The following GCSAM variants were observed in gnomAD, a reference collection of about 807,000 sequenced individuals.
GCSAM encodes the protein germinal center-associated signaling and motility protein.
A neutral mutation model predicts 17.6 loss-of-function variants in GCSAM; 8 were observed. The ratio of observed to expected loss-of-function variants is 0.46; its 90% CI spans 0.27 to 0.82. The LOEUF (loss-of-function observed/expected upper bound fraction) is 0.82, where lower values mean the gene tolerates loss of function less well. Among genes scored for constraint, GCSAM ranks in the 40% least tolerant of loss-of-function variants. The pLI is 0.15. For missense variants in GCSAM, 192 were observed against 213.5 expected, an observed-to-expected ratio of 0.90 and a Z score of 0.63; for synonymous variants, 68 against 69.0, an observed-to-expected ratio of 0.98 and a Z score of 0.07.
intron 4 of GCSAM, 126 bp downstream of exon 4, chr3:112,126,861 A>G (rs968386528): frequency 8.2e-6 from 6 of 735,876 alleles, no homozygotes; most frequent in Non-Finnish European, 1.4e-5. Flanking sequence ...AATTGGATAC[A>G]GTAAAGCAAA....
At chr3:112,130,414 C>T in intron 2 of GCSAM, 31 bp downstream of exon 2, 2 of 1,590,014 alleles carry the variant, frequency 1.3e-6, no homozygotes, top group African/African-American at 1.3e-5. Flanking sequence ...TGGGCAAGGT[C>T]TGGGGGGTGT....
intron 1 of GCSAM, 25 bp downstream of exon 1, chr3:112,133,067 T>C: frequency 6.2e-7 from 1 of 1,611,130 alleles, no homozygotes; most frequent in Middle Eastern, 1.7e-4. Context: ...TCTCCTCTGC[T>C]CTCCCACAGG....
intron 4 of GCSAM, among the ~76,000 whole-genome samples, chr3:112,126,261 G>T (rs1043511746): frequency 2.0e-5 from 3 of 152,198 alleles, no homozygotes; most frequent in Non-Finnish European, 4.4e-5. Flanking sequence ...TAGATTTTAA[G>T]ATTCTATGTA....
chr3:112,123,887 C>T (rs1280668099), intron 5 of GCSAM, 115 bp from the exon 6 acceptor site: 2 of 1,113,746 alleles, frequency 1.8e-6, no homozygotes, highest in African/African-American at 1.6e-5. Flanking sequence ...ACCACCTCCT[C>T]CCCATCTCTT....
At chr3:112,128,436 C>G (rs1395448022) in intron 2 of GCSAM, 1 of 371,060 alleles carries the variant, frequency 2.7e-6, no homozygotes, top group Non-Finnish European at 5.2e-6. Context: ...ATGGGTTAGG[C>G]AATATCAGTA....
rs1019587834 is a variant in GCSAM, at chr3:112,122,746, G to C, written c.*709C>G. On this transcript the variant is annotated 3_prime_UTR_variant, in exon 6 of 6. Transcript: ENST00000308910. ...AAATTATCCTCTCTGAGCCAAAGAA[G>C]GGTAGTGGGATTACGGGATCTCCAA... 7.2e-5 allele frequency: 11 copies of C among 152,282 alleles called. No homozygotes were observed. Among genetic ancestry groups the C allele is most frequent in the Admixed American group, 5.9e-4 (9 of 15,292 alleles). The allele number at this position is 152,282 out of a possible 1,614,324, so 9.4% of individuals were successfully genotyped here.
intron 2 of GCSAM, chr3:112,129,094 CT>C (rs2107810542): frequency 6.6e-6 from 1 of 152,326 alleles, no homozygotes; most frequent in East Asian, 1.9e-4. Flanking sequence ...AGAGGCACAG[CT>C]GCAGCTCTTC....
intron 3 of GCSAM, among the ~76,000 whole-genome samples, chr3:112,127,362 T>C (rs2074350873): frequency 6.6e-6 from 1 of 152,210 alleles, no homozygotes; most frequent in African/African-American, 2.4e-5. Context: ...TTTTCTATCA[T>C]GTGAGTGAAG....
At chr3:112,123,854 C>A (rs978048173) in intron 5 of GCSAM, 82 bp from the exon 6 acceptor site, 53 of 1,433,018 alleles carry the variant, frequency 3.7e-5, no homozygotes, top group African/African-American at 5.7e-5. Flanking sequence ...AGGCTTGACC[C>A]TTGGTCAAGT....
chr3:112,125,392 G>A (rs1576162549), intron 4 of GCSAM, 138 bp from the exon 5 acceptor site: 1 of 661,836 alleles, frequency 1.5e-6, no homozygotes, highest in East Asian at 2.7e-5. Context: ...CTGATCTACA[G>A]CACATCCCTG....
At chr3:112,130,606 A>G (rs2074430341) in intron 1 of GCSAM, 93 bp from the exon 2 acceptor site, 2 of 1,100,610 alleles carry the variant, frequency 1.8e-6, no homozygotes, top group Non-Finnish European at 1.4e-6. Context: ...CATTTCTGCT[A>G]TTTGTGTGTA....
rs1244757949 is a variant in GCSAM at position 112,122,923 on chromosome 3, C to T, written c.*532G>A. ...ATTCAACTCACATAACTAACCAGAC[C>T]ATGGGGGCCAACAGGTCAAAGGACA... is the stretch of plus-strand genomic sequence containing the variant. On this transcript the variant is annotated 3_prime_UTR_variant, in exon 6 of 6. Transcript: ENST00000308910. The T allele has an allele frequency of 6.4e-6, 1 of 155,192 alleles. No individual in the cohort carries two copies. The highest frequency in any genetic ancestry group is 1.4e-5 in the Non-Finnish European group (1 of 70,018). The allele number at this position is 155,192 out of a possible 1,614,324, so 9.6% of individuals were successfully genotyped here.
At position 112,123,525 on chromosome 3, in the gene GCSAM, A is replaced by T; in HGVS notation, c.467T>A (p.Ile156Asn). Residue 156 changes from isoleucine to asparagine, a missense_variant, in exon 6 of 6, where the codon ATC (isoleucine) becomes AAC (asparagine). Physicochemically the swap from Ile to Asn is moderately radical, Grantham distance 149 (BLOSUM62 -3). Coordinates refer to ENST00000308910, the MANE Select transcript of GCSAM (RefSeq NM_152785.5). The stretch of plus-strand genomic sequence containing the variant: ...TGGCTGTTGCAGAAAGTGAGAGGAG[A>T]TTCTGTGAGGCATGAGAAGTTCATA... ...DEYELLMPHR[I>N]SSHFLQQPRP... The T allele has an allele frequency of 1.2e-6, 2 of 1,614,170 alleles. No homozygotes were observed. The highest frequency in any genetic ancestry group is 1.7e-6 in the Non-Finnish European group (2 of 1,180,010).
rs1482523132 is a variant in GCSAM at position 112,123,450 on chromosome 3, C to T, written c.*5G>A. The T allele has an allele frequency of 6.2e-7, 1 of 1,613,072 alleles. No individual in the cohort carries two copies. ...TGCTAAACAAATGCTAGTCCAGCCA[C>T]TTCACTATAAATGGGAAAACTGAGT... On this transcript the variant is annotated 3_prime_UTR_variant, in exon 6 of 6. Transcript: ENST00000308910.
rs1244374155 is a variant in GCSAM, at chr3:112,121,088, A to G, written c.*2367T>C. 4.6e-5 allele frequency: 7 copies of G among 152,328 alleles called. No individual in the cohort carries two copies. In the East Asian group the frequency reaches 5.8e-4, roughly 13 times the overall value. 9.4% of individuals were successfully genotyped at this position (152,328 alleles called of 1,614,324 possible). On this transcript the variant is annotated 3_prime_UTR_variant, in exon 6 of 6. Transcript: ENST00000308910. ...TATAAATCCCTGTTATAATTACATT[A>G]TAAGAACAACTTTCTTTGGTTAAAC... is the stretch of plus-strand genomic sequence containing the variant.
At position 112,123,118 on chromosome 3, in the gene GCSAM, T is replaced by C; in HGVS notation, c.*337A>G. On this transcript the variant is annotated 3_prime_UTR_variant, in exon 6 of 6. Coordinates refer to ENST00000308910, the MANE Select transcript of GCSAM (RefSeq NM_152785.5). Reference sequence around the variant, plus strand: ...TTAGAGAATGATCATGGGAACACTTTATAAGAAGATCCCAGACAGAAGAGC... The same window carrying C: ...TTAGAGAATGATCATGGGAACACTTCATAAGAAGATCCCAGACAGAAGAGC... The C allele has an allele frequency of 3.4e-6, 1 of 292,352 alleles. No homozygotes were observed. 18.1% of individuals were successfully genotyped at this position (292,352 alleles called of 1,614,324 possible).
intron 5 of GCSAM, among the ~76,000 whole-genome samples, chr3:112,124,870 A>G (rs1240906079): frequency 6.6e-6 from 1 of 152,136 alleles, no homozygotes; most frequent in Non-Finnish European, 1.5e-5. Flanking sequence ...ATTGTCACTT[A>G]ATCTCTCAGT....
rs773316332 is a variant in GCSAM, at chr3:112,127,009, CTT to C, written c.166_167del (p.Lys56GlufsTer9). On this transcript the variant is annotated frameshift_variant, in exon 4 of 6. Coordinates refer to ENST00000308910, the MANE Select transcript of GCSAM (RefSeq NM_152785.5). LOFTEE classifies it high-confidence loss of function. ...LPWKKILIFE[K>X]RQDSQNENER... is the part of the protein sequence containing the mutation. ...TACTTTCGTTTTGGGAATCTTGCCT[CTT>C]TTCAAAAATGAGTATTTTTTTCCTG... 1.3e-6 allele frequency: 2 copies of C among 1,589,990 alleles called. No individual in the cohort carries two copies. The highest frequency in any genetic ancestry group is 1.1e-5 in the South Asian group (1 of 88,106).
chr3:112,125,878 C>G (rs577630744), intron 4 of GCSAM, among the ~76,000 whole-genome samples: 1 of 152,326 alleles, frequency 6.6e-6, no homozygotes, highest in Admixed American at 6.5e-5. Flanking sequence ...TAGTTAAAAC[C>G]AAATGGCTCT....
Sources: allele counts gnomAD v4.1 joint callset (sites outside exome capture counted in the v4.1 genomes callset), GRCh38; gene constraint gnomAD v4.1.1; transcripts MANE v1.5; gene names NCBI Gene and HGNC (gene_info 2026-07-23, HGNC 2026-07-21).